SLC4A1: variants seen among roughly 807,000 people sequenced by gnomAD.
SLC4A1 encodes band 3 anion transport protein.
A neutral mutation model predicts 93.1 loss-of-function variants in SLC4A1; 29 were observed. The observed-to-expected ratio is 0.31, with a 90% CI of 0.23 to 0.42. SLC4A1 has a LOEUF of 0.42. Among genes scored for constraint, SLC4A1 ranks in the 20% least tolerant of loss-of-function variants. The pLI, the probability that SLC4A1 is intolerant of heterozygous loss-of-function variation, is 1.00. For synonymous variants in SLC4A1, 469 were observed against 497.2 expected (o/e 0.94, Z 0.76); for missense variants, 965 against 1,190.1 (o/e 0.81, Z 2.78).
chr17:44,257,736 C>T lies in SLC4A1; in HGVS notation c.1354G>A (p.Ala452Thr), dbSNP rs773546206. 65 of 1,613,912 alleles carry T rather than the reference C, an allele frequency of 4.0e-5. No homozygotes were observed. The Middle Eastern group carries it at 4.9e-4, about 12-fold the overall frequency. The change falls in exon 12 of 20, where the codon GCC becomes ACC. Residue 452 changes from alanine to threonine, a missense_variant. Physicochemically the swap from Ala to Thr is moderately conservative, Grantham distance 58 (BLOSUM62 0). Coordinates refer to ENST00000262418, the MANE Select transcript of SLC4A1 (RefSeq NM_000342.4). ...AGCAGGGGCTGAGCCCCCAGCAGGG[C>T]GAAGAGAATGCCCTGCACTGCAGTG... Reference protein sequence around the residue: ...ISTAVQGILFALLGAQPLLVV... With the variant: ...ISTAVQGILFTLLGAQPLLVV...
chr17:44,261,990 G>A, intron 3 of SLC4A1: 1 of 1,205,570 alleles, frequency 8.3e-7, no homozygotes, highest in Non-Finnish European at 1.0e-6. Context: ...TCCCTCCCCT[G>A]CCACCTCTGA....
intron 1 of SLC4A1, among the ~76,000 whole-genome samples, chr17:44,263,307 A>AG (rs1567836652): frequency 6.6e-6 from 1 of 151,990 alleles, no homozygotes; most frequent in African/African-American, 2.4e-5. Context: ...TCTCTTCTTC[A>AG]GGGGGGCTTA....
In SLC4A1 at chr17:44,258,373, G is replaced by C; in HGVS notation, c.1087+40C>G. 6.3e-7 allele frequency: 1 copy of C among 1,588,210 alleles called. No homozygotes were observed. The highest frequency in any genetic ancestry group is 1.1e-5 in the South Asian group (1 of 90,596). On this transcript the variant is annotated intron_variant, in intron 10 of 19. Transcript: ENST00000262418. This position sits in a 1 kb window ranked among gnomAD's most constrained non-coding sequence, Gnocchi z 6.1. ...GGCTACGCTGAGGTGTCTGGGGGTCGGTGGGGGCTCAGAAAGCCTCAGCTG... is the reference window on the plus strand; with the variant it reads ...GGCTACGCTGAGGTGTCTGGGGGTCCGTGGGGGCTCAGAAAGCCTCAGCTG...
At chr17:44,253,906 G>A (rs933924011) in intron 16 of SLC4A1, among the ~76,000 whole-genome samples, 5 of 150,362 alleles carry the variant, frequency 3.3e-5, no homozygotes, top group Admixed American at 6.7e-5. Flanking sequence ...TACTGACCTC[G>A]TGATCCCCCC....
rs1200436383 is a variant in SLC4A1 at position 44,253,304 on chromosome 17, C to T, written c.2125G>A (p.Val709Ile). 1 of 1,614,040 alleles carries T rather than the reference C, an allele frequency of 6.2e-7. No individual in the cohort carries two copies. The highest frequency in any genetic ancestry group is 8.5e-7 in the Non-Finnish European group (1 of 1,179,988). Residue 709 changes from valine to isoleucine, a missense_variant, in exon 17 of 20, where the codon GTA (valine) becomes ATA (isoleucine). This residue lies in a region of SLC4A1 where 770 missense variants were observed against 1,006.6 expected (regional missense o/e 0.76). Transcript: ENST00000262418. Reference protein sequence around the residue: ...GSGFHLDLLLVVGMGGVAALF... With the variant: ...GSGFHLDLLLIVGMGGVAALF... ...GCGGCCACCCCACCCATGCCTACTA[C>T]CAGCAGCAGGTCCAGGTGGAAGCCG... is the stretch of plus-strand genomic sequence containing the variant.
chr17:44,267,625 C>A (rs762227560), intron 1 of SLC4A1, among the ~76,000 whole-genome samples: 28 of 152,200 alleles, frequency 1.8e-4, no homozygotes, highest in Non-Finnish European at 3.8e-4. Context: ...CCCAGGTAGA[C>A]CCCTGGAAGT....
chr17:44,266,546 T>A (rs776620486), intron 1 of SLC4A1, among the ~76,000 whole-genome samples: 66 of 152,228 alleles, frequency 4.3e-4, no homozygotes, highest in Admixed American at 1.4e-3. Context: ...AGTCACCCCA[T>A]CTGTACAATG....
At chr17:44,255,957 A>T in intron 13 of SLC4A1, 111 bp from the exon 14 acceptor site, 1 of 981,416 alleles carries the variant, frequency 1.0e-6, no homozygotes, top group Non-Finnish European at 1.6e-6. Flanking sequence ...GTCATCTATT[A>T]ATTCATCATC....
At position 44,255,261 on chromosome 17, in the gene SLC4A1, G is replaced by A. The variant is rs1436911311; in HGVS notation, c.1836C>T (p.Ile612=). The A allele has an allele frequency of 6.4e-7, 1 of 1,558,512 alleles. No homozygotes were observed. Among genetic ancestry groups the A allele is most frequent in the Admixed American group, 2.0e-5 (1 of 51,130 alleles). Residue 612 remains isoleucine (I), a synonymous_variant, in exon 15 of 20, where the codon ATC becomes ATT. Transcript: ENST00000262418. ...RRVIGDFGVP[I]SILIMVLVDF... ...CCACCAGGACCATGATCAGGATGGAGATGGGGACCCCGAAGTCCCCGATGA... is the reference window on the plus strand; with the variant it reads ...CCACCAGGACCATGATCAGGATGGAAATGGGGACCCCGAAGTCCCCGATGA...
chr17:44,252,198 G>A (rs1180819809), intron 17 of SLC4A1, among the ~76,000 whole-genome samples: 2 of 151,830 alleles, frequency 1.3e-5, no homozygotes, highest in Non-Finnish European at 2.9e-5. Context: ...TGGGATTATA[G>A]GCGTGCGACA....
chr17:44,258,456 C>G lies in SLC4A1; in HGVS notation c.1044G>C (p.Gln348His). 1 of 1,614,026 alleles carries G rather than the reference C, an allele frequency of 6.2e-7. No individual in the cohort carries two copies. The highest frequency in any genetic ancestry group is 8.5e-7 in the Non-Finnish European group (1 of 1,179,990). ...VQRELLRRRYQSSPAKPDSSF... is the reference protein window; with the variant it reads ...VQRELLRRRYHSSPAKPDSSF... Reference sequence around the variant, plus strand: ...TGGAGTCTGGCTTGGCAGGGCTGGACTGATAGCGCCTTCGAAGTAGCTCCC... The same window carrying G: ...TGGAGTCTGGCTTGGCAGGGCTGGAGTGATAGCGCCTTCGAAGTAGCTCCC... Residue 348 changes from glutamine (Q) to histidine (H), a missense_variant, in exon 10 of 20, where the codon CAG becomes CAC. Gln to His is a conservative substitution (Grantham distance 24, BLOSUM62 0). Coordinates refer to ENST00000262418, the MANE Select transcript of SLC4A1 (RefSeq NM_000342.4). The surrounding 1 kb of genome is among the most constrained non-coding windows in gnomAD (Gnocchi z 6.1).
In SLC4A1 at chr17:44,262,949, A is replaced by G; in HGVS notation, c.-68-15T>C. ...ACCGCGGGTCCCTGCAGCAGAGGGC[A>G]CAGGCTGAGTGGGGCACAGGGCATC... On this transcript the variant is annotated splice_polypyrimidine_tract_variant and intron_variant, in intron 1 of 19. Transcript: ENST00000262418. 1.2e-6 allele frequency: 2 copies of G among 1,610,006 alleles called. No homozygotes were observed. The highest frequency in any genetic ancestry group is 1.7e-6 in the Non-Finnish European group (2 of 1,179,356).
chr17:44,267,942 C>T (rs886835600), intron 1 of SLC4A1, 112 bp downstream of exon 1: 24 of 403,596 alleles, frequency 5.9e-5, no homozygotes, highest in Non-Finnish European at 7.7e-5. Flanking sequence ...CCTGCACCCC[C>T]TTGGAGGTCA....
At chr17:44,252,754 C>T (rs1476512) in intron 17 of SLC4A1, among the ~76,000 whole-genome samples, 60,813 of 152,124 alleles carry the variant, frequency 0.4, 15,267 homozygotes, top group Non-Finnish European at 0.54. Flanking sequence ...TCTGTTGAAC[C>T]CTCCAACTGT....
intron 4 of SLC4A1, 46 bp downstream of exon 4, chr17:44,261,529 T>C: frequency 6.2e-7 from 1 of 1,613,988 alleles, no homozygotes. Context: ...AAATGGTGGG[T>C]CCCAAAGGCA....
rs2047321755 is a variant in SLC4A1, at chr17:44,249,610, A to C, written c.*848T>G. 1 of 174,598 alleles carries C rather than the reference A, an allele frequency of 5.7e-6. No homozygotes were observed. Among genetic ancestry groups the C allele is most frequent in the South Asian group, 1.2e-4 (1 of 8,544 alleles). 10.8% of individuals were successfully genotyped at this position (174,598 alleles called of 1,614,324 possible). On this transcript the variant is annotated 3_prime_UTR_variant, in exon 20 of 20. Transcript: ENST00000262418. ...TCAGTAAATGTTTGTGGAATGAATG[A>C]ATGAGTGAACTAATGAGTGTTTGGA...
At chr17:44,260,359 T>C (rs777175400) in intron 6 of SLC4A1, 45 bp downstream of exon 6, 15 of 1,592,380 alleles carry the variant, frequency 9.4e-6, no homozygotes, top group Non-Finnish European at 1.3e-5. Flanking sequence ...GCTGGGGAAG[T>C]GGGCCCACTG....
chr17:44,267,558 G>T (rs1372550109), intron 1 of SLC4A1, among the ~76,000 whole-genome samples: 1 of 152,220 alleles, frequency 6.6e-6, no homozygotes, highest in Non-Finnish European at 1.5e-5. Flanking sequence ...TTCTCATGTG[G>T]TAGGAGGCTC....
chr17:44,251,732 T>TTTG, intron 17 of SLC4A1, 144 bp from the exon 18 acceptor site: 4 of 612,406 alleles, frequency 6.5e-6, no homozygotes, highest in Non-Finnish European at 1.1e-5. Flanking sequence ...TTTTTTTTTT[T>TTTG]TTTTTTTGTT....
Sources: gnomAD v4.1 joint callset for allele counts (sites outside exome capture counted in the v4.1 genomes callset) on GRCh38, gnomAD v4.1.1 for gene constraint, gnomAD v4.1.1 regional missense constraint, Gnocchi (gnomAD v3.1) non-coding constraint, MANE v1.5 for transcripts, NCBI Gene and HGNC (gene_info 2026-07-23, HGNC 2026-07-21) for gene names.